The following OPA1 variants were observed in gnomAD, a reference collection of about 807,000 sequenced individuals.
OPA1 encodes dynamin-like GTPase OPA1, mitochondrial.
A neutral mutation model predicts 152.9 loss-of-function variants in OPA1; 59 were observed. That is an observed-to-expected ratio of 0.39 (90% CI 0.31 to 0.48). OPA1 has a LOEUF of 0.48. Ranked by LOEUF, OPA1 falls within the 20% of genes least tolerant of loss-of-function variation. The pLI is 0.96. For missense variants in OPA1, 1,008 were observed against 1,216.8 expected, an observed-to-expected ratio of 0.83 and a Z score of 2.55; for synonymous variants, 400 against 389.9, an observed-to-expected ratio of 1.03 and a Z score of -0.31.
At chr3:193,680,520 C>T (rs1198732667) in intron 29 of OPA1, among the ~76,000 whole-genome samples, 1 of 152,190 alleles carries the variant, frequency 6.6e-6, no homozygotes, top group Non-Finnish European at 1.5e-5. Flanking sequence ...ATCTGTTTTG[C>T]AGTCTTAAAG....
intron 3 of OPA1, among the ~76,000 whole-genome samples, chr3:193,616,436 A>G (rs1729020089): frequency 6.6e-6 from 1 of 152,116 alleles, no homozygotes; most frequent in Admixed American, 6.6e-5. Context: ...GCTACCTAAC[A>G]TATTTTGTCA....
chr3:193,608,153 G>T (rs1186372751), intron 1 of OPA1, among the ~76,000 whole-genome samples: 4 of 152,134 alleles, frequency 2.6e-5, no homozygotes, highest in Admixed American at 6.6e-5. Flanking sequence ...CGAAAAACCA[G>T]TTACTGGATT....
In OPA1 at chr3:193,688,449, CTTTTTTTTTTTTTTTTTTTTTTTT is replaced by C. The variant is rs766448341; in HGVS notation, c.2984-3590_2984-3567del. Among the ~76,000 whole-genome samples the C allele has an allele frequency of 1.4e-3, 87 of 63,356 alleles. 3 individuals are homozygous for C. In the East Asian group the frequency reaches 0.029, roughly 21 times the overall value. The allele number at this position is 63,356 out of a possible 152,430, so 41.6% of individuals were successfully genotyped here. Reference sequence around the variant, plus strand: ...TGATTTTTACTGAAATGGGTCTTTTCTTTTTTTTTTTTTTTTTTTTTTTTTTTTTTTTTTTTTTTTTTTTTTTGA... The same window carrying C: ...TGATTTTTACTGAAATGGGTCTTTTCTTTTTTTTTTTTTTTTTTTTTTTGA... On this transcript the variant is annotated intron_variant, in intron 29 of 30. Coordinates refer to ENST00000361510, the MANE Select transcript of OPA1 (RefSeq NM_130837.3).
At chr3:193,646,730 G>T (rs541400191) in intron 18 of OPA1, among the ~76,000 whole-genome samples, 1 of 152,152 alleles carries the variant, frequency 6.6e-6, no homozygotes, top group Admixed American at 6.5e-5. Flanking sequence ...CCAATATCAC[G>T]CCACTGCACT....
chr3:193,668,632 G>A (rs762667210), intron 29 of OPA1: 2 of 1,523,936 alleles, frequency 1.3e-6, no homozygotes, highest in Non-Finnish European at 1.8e-6. Context: ...CCACCCTCCT[G>A]CACAGATACT....
chr3:193,626,085 G>A lies in OPA1; in HGVS notation c.679-7G>A, dbSNP rs373326620. ...TTCCTCTTCTCCTCATTGTGAACTC[G>A]TGGCAGGGTCTGCTTGGTGAGCTCA... On this transcript the variant is annotated splice_region_variant and splice_polypyrimidine_tract_variant and intron_variant, in intron 6 of 30. Transcript: ENST00000361510. 21 of 1,609,570 alleles carry A rather than the reference G, an allele frequency of 1.3e-5. No individual in the cohort carries two copies. The highest frequency in any genetic ancestry group is 1.1e-4 in the African/African-American group (8 of 74,726).
chr3:193,694,112 G>A (rs1722026945), intron 30 of OPA1, among the ~76,000 whole-genome samples: 1 of 152,178 alleles, frequency 6.6e-6, no homozygotes, highest in African/African-American at 2.4e-5. Context: ...TAGTCTCTAA[G>A]ACCCTTTTCA....
intron 1 of OPA1, among the ~76,000 whole-genome samples, chr3:193,594,356 G>A (rs1297911670): frequency 6.6e-6 from 1 of 152,082 alleles, no homozygotes; most frequent in African/African-American, 2.4e-5. Context: ...ATAATTTATC[G>A]TGTTTATAAG....
intron 3 of OPA1, among the ~76,000 whole-genome samples, chr3:193,616,096 G>T (rs1186504591): frequency 6.6e-6 from 1 of 152,160 alleles, no homozygotes; most frequent in Non-Finnish European, 1.5e-5. Flanking sequence ...ACTCACTGCA[G>T]CCCTGAACTG....
intron 1 of OPA1, among the ~76,000 whole-genome samples, chr3:193,607,253 A>G (rs1357985166): frequency 6.6e-6 from 1 of 152,208 alleles, no homozygotes; most frequent in African/African-American, 2.4e-5. Flanking sequence ...TTTGCTGTGC[A>G]GAAGCTCTTT....
chr3:193,616,848 A>G (rs533744220), intron 3 of OPA1, among the ~76,000 whole-genome samples: 4 of 152,322 alleles, frequency 2.6e-5, no homozygotes, highest in East Asian at 1.9e-4. Context: ...AAACTGTTCT[A>G]TGTTGACGAA....
chr3:193,691,937 T>C lies in OPA1; in HGVS notation c.2984-126T>C, dbSNP rs35661865. The C allele has an allele frequency of 0.14, 87,504 of 624,688 alleles. 7,059 individuals are homozygous for C. Among genetic ancestry groups the C allele is most frequent in the Non-Finnish European group, 0.17 (57,597 of 344,700 alleles). The allele number at this position is 624,688 out of a possible 1,614,324, so 38.7% of individuals were successfully genotyped here. A position where few individuals can be genotyped will look rare whatever the true frequency, so the allele number is the denominator to read the frequency against. ...GACTTTATTTGGGTAAAAGGTGGTA[T>C]GGTGAGACTCATATTTTTCTTTTTC... On this transcript the variant is annotated intron_variant, in intron 29 of 30. Transcript: ENST00000361510.
intron 25 of OPA1, 117 bp downstream of exon 25, chr3:193,659,678 A>G: frequency 1.3e-6 from 1 of 744,374 alleles, no homozygotes; most frequent in Non-Finnish European, 2.2e-6. Context: ...TAAATGTTTT[A>G]TATCATACTT....
chr3:193,628,157 G>C (rs572641345), intron 7 of OPA1, among the ~76,000 whole-genome samples: 3 of 152,106 alleles, frequency 2.0e-5, no homozygotes, highest in African/African-American at 7.2e-5. Context: ...AGGTTTACTT[G>C]ATGCATAAAA....
At chr3:193,655,617 A>G (rs1243866393) in intron 22 of OPA1, among the ~76,000 whole-genome samples, 3 of 152,194 alleles carry the variant, frequency 2.0e-5, no homozygotes, top group East Asian at 3.8e-4. Flanking sequence ...TTTTTCATCT[A>G]TAAAATGGTG....
At chr3:193,669,240 A>G (rs1717378183) in intron 29 of OPA1, among the ~76,000 whole-genome samples, 1 of 152,018 alleles carries the variant, frequency 6.6e-6, no homozygotes, top group Middle Eastern at 3.2e-3. Context: ...TTGCGGCCCC[A>G]TTCTCTCCCT....
intron 6 of OPA1, among the ~76,000 whole-genome samples, chr3:193,622,545 T>G (rs926426409): frequency 3.9e-5 from 6 of 152,102 alleles, no homozygotes; most frequent in African/African-American, 1.4e-4. Context: ...TTTTATAGTT[T>G]ATGTTGTACC....
intron 1 of OPA1, among the ~76,000 whole-genome samples, chr3:193,598,278 A>G (rs180755087): frequency 2.6e-4 from 39 of 152,286 alleles, no homozygotes; most frequent in African/African-American, 9.1e-4. Flanking sequence ...TGTATGAGGA[A>G]GTTGAACATG....
intron 5 of OPA1, 95 bp downstream of exon 5, chr3:193,617,932 C>T: frequency 1.2e-6 from 1 of 812,232 alleles, no homozygotes; most frequent in South Asian, 1.4e-5. Flanking sequence ...ATTTATAATG[C>T]TGCTTATGCT....
Sources: gnomAD v4.1 joint callset for allele counts (sites outside exome capture counted in the v4.1 genomes callset) on GRCh38, gnomAD v4.1.1 for gene constraint, MANE v1.5 for transcripts, NCBI Gene and HGNC (gene_info 2026-07-23, HGNC 2026-07-21) for gene names.